The following TMEM232 variants were observed in gnomAD, a reference collection of about 807,000 sequenced individuals.
The protein encoded by TMEM232 is transmembrane protein 232.
A neutral mutation model predicts 78.8 loss-of-function variants in TMEM232; 80 were observed. That is an observed-to-expected ratio of 1.01 (90% CI 0.85 to 1.22). The LOEUF (loss-of-function observed/expected upper bound fraction) is 1.22. Ranked by LOEUF, TMEM232 falls within the 50% of genes most tolerant of loss-of-function variation. The pLI, the probability that TMEM232 is intolerant of heterozygous loss-of-function variation, is 0.00. For synonymous variants in TMEM232, 297 were observed against 254.3 expected (o/e 1.17, Z -1.60); for missense variants, 881 against 742.2 (o/e 1.19, Z -2.17).
intron 2 of TMEM232, among the ~76,000 whole-genome samples, chr5:110,642,584 T>C (rs1302537858): frequency 6.6e-6 from 1 of 152,146 alleles, no homozygotes; most frequent in Non-Finnish European, 1.5e-5. Flanking sequence ...TAATTCCCAT[T>C]GTCAAAGACC....
At chr5:110,582,350 C>T (rs926927092) in intron 10 of TMEM232, among the ~76,000 whole-genome samples, 1 of 151,756 alleles carries the variant, frequency 6.6e-6, no homozygotes, top group African/African-American at 2.4e-5. Flanking sequence ...GAAATAATAT[C>T]GTTTATGGCA....
chr5:110,728,780 C>A (rs1798394718), upstream of TMEM232, among the ~76,000 whole-genome samples: 1 of 149,976 alleles, frequency 6.7e-6, no homozygotes, highest in African/African-American at 2.4e-5. Flanking sequence ...TCAAAACCAT[C>A]CTAACCCCTT....
intron 10 of TMEM232, among the ~76,000 whole-genome samples, chr5:110,597,750 A>G (rs956580574): frequency 6.6e-6 from 1 of 151,996 alleles, no homozygotes; most frequent in South Asian, 2.1e-4. Context: ...CCTGAGAAAA[A>G]CAAGCAATGG....
At chr5:110,668,559 T>C (rs1320086913) in intron 1 of TMEM232, among the ~76,000 whole-genome samples, 1 of 152,150 alleles carries the variant, frequency 6.6e-6, no homozygotes, top group East Asian at 1.9e-4. Context: ...ACACAAAATG[T>C]CATTGTCTAT....
At chr5:110,571,673 T>C (rs1776954039) in intron 10 of TMEM232, among the ~76,000 whole-genome samples, 1 of 150,636 alleles carries the variant, frequency 6.6e-6, no homozygotes, top group Non-Finnish European at 1.5e-5. Context: ...TTGTTTTTTT[T>C]GTTTGTTTGT....
intron 12 of TMEM232, among the ~76,000 whole-genome samples, chr5:110,469,323 G>C (rs538384345): frequency 5.4e-4 from 82 of 152,306 alleles, no homozygotes; most frequent in South Asian, 1.7e-3. Flanking sequence ...AATCATGCTT[G>C]TCTGGTAGTC....
chr5:110,644,064 T>G (rs1561442901), intron 2 of TMEM232, among the ~76,000 whole-genome samples: 1 of 151,956 alleles, frequency 6.6e-6, no homozygotes, highest in African/African-American at 2.4e-5. Flanking sequence ...AATCCAGCCT[T>G]AGTGGAGCTT....
rs1372218327 is a variant in TMEM232 at position 110,638,336 on chromosome 5, A to G, written c.363T>C (p.Tyr121=). Reference sequence around the variant, plus strand: ...CAAAGGAAGCATGGTCCAGAGATGCATAAAGCATATTTAAAGATTCTGAAA... The same window carrying G: ...CAAAGGAAGCATGGTCCAGAGATGCGTAAAGCATATTTAAAGATTCTGAAA... ...EIQDESLNML[Y]ASLDHASFDY... The change falls in exon 5 of 14, where the codon TAT becomes TAC. Residue 121 remains tyrosine, a synonymous_variant. Transcript: ENST00000455884. 1 of 1,539,032 alleles carries G rather than the reference A, an allele frequency of 6.5e-7. No homozygotes were observed. The highest frequency in any genetic ancestry group is 1.2e-5 in the South Asian group (1 of 80,512).
chr5:110,548,420 C>A (rs1774051240), intron 11 of TMEM232, among the ~76,000 whole-genome samples: 1 of 148,788 alleles, frequency 6.7e-6, no homozygotes, highest in Admixed American at 6.7e-5. Flanking sequence ...TTTTCATGGT[C>A]CAGGAAAATA....
intron 12 of TMEM232, among the ~76,000 whole-genome samples, chr5:110,512,501 C>T (rs1466630178): frequency 6.6e-6 from 1 of 152,142 alleles, no homozygotes; most frequent in African/African-American, 2.4e-5. Context: ...GAACACATCA[C>T]CTCTATTAGG....
chr5:110,716,303 T>C (rs553674789), intron 1 of TMEM232, among the ~76,000 whole-genome samples: 1 of 152,286 alleles, frequency 6.6e-6, no homozygotes, highest in East Asian at 1.9e-4. Context: ...AGAATTATTT[T>C]CAGATGATTC....
chr5:110,411,913 T>C (rs1468840609), intron 2 of TMEM232, among the ~76,000 whole-genome samples: 2 of 145,584 alleles, frequency 1.4e-5, no homozygotes, highest in South Asian at 2.2e-4. Context: ...CCTCTTCTAT[T>C]TGAGTACTGT....
At chr5:110,688,478 A>T (rs1397128125) in intron 1 of TMEM232, among the ~76,000 whole-genome samples, 3 of 152,182 alleles carry the variant, frequency 2.0e-5, no homozygotes, top group Non-Finnish European at 4.4e-5. Flanking sequence ...CTGTTGGAGT[A>T]GCACTCCCAG....
chr5:110,493,188 G>C (rs746367134), intron 12 of TMEM232, among the ~76,000 whole-genome samples: 38 of 151,638 alleles, frequency 2.5e-4, no homozygotes, highest in Non-Finnish European at 4.9e-4. Context: ...AATTTATTTT[G>C]AAATTTATAA....
chr5:110,427,283 ATTG>A (rs1324851338), intron 12 of TMEM232, among the ~76,000 whole-genome samples: 1 of 151,940 alleles, frequency 6.6e-6, no homozygotes, highest in Non-Finnish European at 1.5e-5. Flanking sequence ...CACCTGCCTT[ATTG>A]TTTTCACAAG....
intron 1 of TMEM232, chr5:110,684,953 G>A (rs931938710): frequency 2.6e-5 from 4 of 151,994 alleles, no homozygotes; most frequent in African/African-American, 7.2e-5. Flanking sequence ...TTGATCACAT[G>A]CTAGCTTAGA....
At chr5:110,646,204 A>G (rs1163117796) in intron 2 of TMEM232, among the ~76,000 whole-genome samples, 1 of 151,786 alleles carries the variant, frequency 6.6e-6, no homozygotes, top group Non-Finnish European at 1.5e-5. Context: ...ATCAAATCCC[A>G]ATAGCATTCT....
At chr5:110,730,318 AT>A (rs767738066), upstream of TMEM232, among the ~76,000 whole-genome samples, 39 of 152,232 alleles carry the variant, frequency 2.6e-4, no homozygotes, top group Non-Finnish European at 5.6e-4. Flanking sequence ...ATGAAAAAAT[AT>A]TTATCAGTTT....
chr5:110,524,176 T>C (rs1171476891), intron 12 of TMEM232, among the ~76,000 whole-genome samples: 1 of 149,246 alleles, frequency 6.7e-6, no homozygotes. Context: ...GGCATAAGAA[T>C]TGCTTGAACC....
Sources: gnomAD v4.1 joint callset for allele counts (sites outside exome capture counted in the v4.1 genomes callset) on GRCh38, gnomAD v4.1.1 for gene constraint, MANE v1.5 for transcripts, NCBI Gene and HGNC (gene_info 2026-07-23, HGNC 2026-07-21) for gene names.